The following PLCB1 variants were observed in gnomAD, a reference collection of about 807,000 sequenced individuals.
The protein encoded by PLCB1 is 1-phosphatidylinositol 4,5-bisphosphate phosphodiesterase beta-1.
A neutral mutation model predicts 161.8 loss-of-function variants in PLCB1; 46 were observed. That is an observed-to-expected ratio of 0.28 (90% CI 0.22 to 0.36). The LOEUF (loss-of-function observed/expected upper bound fraction) is 0.36, where lower values mean the gene tolerates loss of function less well. Ranked by LOEUF, PLCB1 falls within the 10% of genes least tolerant of loss-of-function variation. The pLI, the probability that PLCB1 is intolerant of heterozygous loss-of-function variation, is 1.00. For missense variants in PLCB1, 1,016 were observed against 1,472.5 expected, an observed-to-expected ratio of 0.69 and a Z score of 5.07; for synonymous variants, 517 against 503.7, an observed-to-expected ratio of 1.03 and a Z score of -0.35.
chr20:8,660,740 G>A (rs1356139681), intron 9 of PLCB1, among the ~76,000 whole-genome samples: 1 of 152,046 alleles, frequency 6.6e-6, no homozygotes, highest in Non-Finnish European at 1.5e-5. Context: ...AATCGAAAGA[G>A]GCACACAAAA....
intron 2 of PLCB1, among the ~76,000 whole-genome samples, chr20:8,321,157 T>C (rs887635479): frequency 6.6e-6 from 1 of 152,216 alleles, no homozygotes; most frequent in Non-Finnish European, 1.5e-5. Context: ...AGTAAGCTAA[T>C]TCTGCAGCAT....
At chr20:8,702,361 G>A (rs1398435854) in intron 11 of PLCB1, among the ~76,000 whole-genome samples, 4 of 152,002 alleles carry the variant, frequency 2.6e-5, no homozygotes, top group Non-Finnish European at 4.4e-5. Context: ...TTCCCAGGGT[G>A]GTTTTTCTCC....
In PLCB1 at chr20:8,881,922, A is replaced by G; in HGVS notation, c.*73A>G. 2.1e-6 allele frequency: 2 copies of G among 955,718 alleles called. No homozygotes were observed. Among genetic ancestry groups the G allele is most frequent in the South Asian group, 1.5e-5 (1 of 68,602 alleles). 59.2% of individuals were successfully genotyped at this position (955,718 alleles called of 1,614,324 possible). ...CGGACTCTCTCTTATTACAAAGATC[A>G]CTGCCCAGGACCATCTTCCCGAGAA... On this transcript the variant is annotated 3_prime_UTR_variant, in exon 32 of 32. Coordinates refer to ENST00000338037, the MANE Select transcript of PLCB1 (RefSeq NM_015192.4).
At chr20:8,624,266 A>C (rs1038463451) in intron 3 of PLCB1, among the ~76,000 whole-genome samples, 1 of 152,212 alleles carries the variant, frequency 6.6e-6, no homozygotes, top group Non-Finnish European at 1.5e-5. Context: ...ATTCAGATTG[A>C]GAATATTGCA....
chr20:8,195,797 C>T (rs983355768), intron 2 of PLCB1, among the ~76,000 whole-genome samples: 2 of 152,102 alleles, frequency 1.3e-5, no homozygotes, highest in African/African-American at 2.4e-5. Context: ...TGCAATGTCT[C>T]TCAGTCTTGA....
chr20:8,480,308 A>G (rs937113764), intron 3 of PLCB1, among the ~76,000 whole-genome samples: 27 of 71,958 alleles, frequency 3.8e-4, no homozygotes, highest in African/African-American at 1.3e-3. Flanking sequence ...AAATGGAGAG[A>G]AAAACAACAG....
chr20:8,293,959 A>T (rs1280763750), intron 2 of PLCB1, among the ~76,000 whole-genome samples: 1 of 152,114 alleles, frequency 6.6e-6, no homozygotes, highest in South Asian at 2.1e-4. Context: ...CATCTAGAAG[A>T]TCTATTTGAG....
chr20:8,807,638 G>A (rs1403743235), intron 31 of PLCB1, among the ~76,000 whole-genome samples: 1 of 151,556 alleles, frequency 6.6e-6, no homozygotes, highest in African/African-American at 2.4e-5. Flanking sequence ...TAGGTGCTGG[G>A]AAAAAACACA....
At chr20:8,787,593 C>G (rs1022021092) in intron 27 of PLCB1, among the ~76,000 whole-genome samples, 1 of 152,168 alleles carries the variant, frequency 6.6e-6, no homozygotes, top group Non-Finnish European at 1.5e-5. Flanking sequence ...GCTACAGCCA[C>G]CTGAAAACCT....
chr20:8,340,805 C>G (rs1435792694), intron 2 of PLCB1, among the ~76,000 whole-genome samples: 2 of 152,224 alleles, frequency 1.3e-5, no homozygotes, highest in Admixed American at 1.3e-4. Flanking sequence ...CACTATCATT[C>G]TGTGCTCCTG....
intron 2 of PLCB1, among the ~76,000 whole-genome samples, chr20:8,274,432 T>C (rs1982430499): frequency 6.6e-6 from 1 of 152,130 alleles, no homozygotes; most frequent in Non-Finnish European, 1.5e-5. Context: ...TTTGTCCCCT[T>C]GTGTGTCCCT....
chr20:8,444,893 G>GT lies in PLCB1; in HGVS notation c.246+73454dup, dbSNP rs1032954557. Among the ~76,000 whole-genome samples the GT allele has an allele frequency of 1.0e-3, 148 of 147,514 alleles. 2 individuals are homozygous for GT. In the East Asian group the frequency reaches 0.015, roughly 15 times the overall value. ...TATCCTTTGCCTACTTTTTGATGAG[G>GT]TTTTTTTTTTTCTTGTAAATTTGTT... On this transcript the variant is annotated intron_variant, in intron 3 of 31. Coordinates refer to ENST00000338037, the MANE Select transcript of PLCB1 (RefSeq NM_015192.4).
chr20:8,703,275 G>A (rs1978471364), intron 11 of PLCB1, among the ~76,000 whole-genome samples: 3 of 152,318 alleles, frequency 2.0e-5, no homozygotes, highest in South Asian at 2.1e-4. Context: ...ACTATGCATG[G>A]CATGCAGTGC....
intron 2 of PLCB1, among the ~76,000 whole-genome samples, chr20:8,283,992 G>T (rs1982997191): frequency 6.6e-6 from 1 of 151,522 alleles, no homozygotes; most frequent in South Asian, 2.1e-4. Context: ...CCAGGTTTGA[G>T]TTAGTCTTTT....
intron 2 of PLCB1, among the ~76,000 whole-genome samples, chr20:8,162,773 G>A (rs986906338): frequency 7.9e-5 from 12 of 152,196 alleles, no homozygotes; most frequent in Non-Finnish European, 5.9e-5. Flanking sequence ...AGAGCTAGTT[G>A]CTATGCTAAG....
chr20:8,624,172 C>A (rs1988266189), intron 3 of PLCB1, among the ~76,000 whole-genome samples: 1 of 152,194 alleles, frequency 6.6e-6, no homozygotes, highest in Non-Finnish European at 1.5e-5. Context: ...TCATTTCCAA[C>A]TGTTGTACTG....
At chr20:8,251,614 A>G (rs1314440546) in intron 2 of PLCB1, among the ~76,000 whole-genome samples, 3 of 152,056 alleles carry the variant, frequency 2.0e-5, no homozygotes, top group East Asian at 2.0e-4. Flanking sequence ...GAAACTGTAT[A>G]TGCTGTTCAA....
intron 2 of PLCB1, among the ~76,000 whole-genome samples, chr20:8,239,169 G>A (rs985301303): frequency 1.3e-5 from 2 of 151,998 alleles, no homozygotes; most frequent in African/African-American, 4.8e-5. Flanking sequence ...CTCAGAGCTA[G>A]GATGAGACTG....
At chr20:8,497,180 C>T (rs1983213285) in intron 3 of PLCB1, among the ~76,000 whole-genome samples, 1 of 152,092 alleles carries the variant, frequency 6.6e-6, no homozygotes, top group African/African-American at 2.4e-5. Context: ...TAGGCTCATG[C>T]TTTTCATGTA....
Sources: allele counts gnomAD v4.1 joint callset (sites outside exome capture counted in the v4.1 genomes callset), GRCh38; gene constraint gnomAD v4.1.1; transcripts MANE v1.5; gene names NCBI Gene and HGNC (gene_info 2026-07-23, HGNC 2026-07-21).